The following CDH11 variants were observed in gnomAD, a reference collection of about 807,000 sequenced individuals.
CDH11 encodes cadherin-11.
CDH11 carries 11 observed loss-of-function variants against 67.8 expected under a neutral mutation model. The observed-to-expected ratio is 0.16, with a 90% CI of 0.10 to 0.27. CDH11 has a LOEUF of 0.27. Among genes scored for constraint, CDH11 ranks in the 10% least tolerant of loss-of-function variants. The probability of loss-of-function intolerance (pLI) is 1.00; values close to 1 mark genes in which losing one functional copy is unlikely to be tolerated. For synonymous variants in CDH11, 419 were observed against 400.0 expected, an observed-to-expected ratio of 1.05 and a Z score of -0.57; for missense variants, 847 against 1,031.2, an observed-to-expected ratio of 0.82 and a Z score of 2.45.
chr16:65,045,824 G>A (rs1276507125), intron 2 of CDH11, among the ~76,000 whole-genome samples: 1 of 152,144 alleles, frequency 6.6e-6, no homozygotes, highest in African/African-American at 2.4e-5. Context: ...GGCTGAGACT[G>A]TCTTATTTGT....
intron 2 of CDH11, among the ~76,000 whole-genome samples, chr16:65,025,398 GC>G (rs1207411575): frequency 4.6e-5 from 7 of 152,056 alleles, no homozygotes; most frequent in Non-Finnish European, 1.0e-4. Flanking sequence ...GTGCAGTGGC[GC>G]GATCTTGGCT....
chr16:64,966,873 A>T (rs2071845368), intron 11 of CDH11, among the ~76,000 whole-genome samples: 2 of 152,226 alleles, frequency 1.3e-5, no homozygotes, highest in African/African-American at 4.8e-5. Context: ...TAGCATTAAT[A>T]GATGAACAGA....
At chr16:65,058,272 A>G (rs1252738617) in intron 1 of CDH11, among the ~76,000 whole-genome samples, 5 of 152,232 alleles carry the variant, frequency 3.3e-5, no homozygotes. Flanking sequence ...ACAATGGGAT[A>G]TTTTGGATAT....
At chr16:65,112,944 G>T (rs137960793) in intron 1 of CDH11, among the ~76,000 whole-genome samples, 1 of 152,072 alleles carries the variant, frequency 6.6e-6, no homozygotes, top group Non-Finnish European at 1.5e-5. Flanking sequence ...CTAATGATAC[G>T]TTTACAAAGA....
At chr16:64,993,563 T>C (rs1482266110) in intron 4 of CDH11, among the ~76,000 whole-genome samples, 1 of 152,298 alleles carries the variant, frequency 6.6e-6, no homozygotes, top group African/African-American at 2.4e-5. Context: ...CCATAAATAC[T>C]GAGCAGAATG....
intron 6 of CDH11, among the ~76,000 whole-genome samples, chr16:64,988,595 G>A (rs1371979162): frequency 2.0e-5 from 3 of 152,138 alleles, no homozygotes; most frequent in Non-Finnish European, 4.4e-5. Context: ...CCTGCCACAT[G>A]TAAGGGAGAA....
chr16:64,965,988 CCA>C (rs2071814435), intron 11 of CDH11, among the ~76,000 whole-genome samples: 1 of 151,072 alleles, frequency 6.6e-6, no homozygotes. Context: ...CTAGGTCAAC[CCA>C]TTAAAAAGTA....
At chr16:64,989,335 G>C (rs1296249960) in intron 6 of CDH11, among the ~76,000 whole-genome samples, 5 of 152,060 alleles carry the variant, frequency 3.3e-5, no homozygotes, top group African/African-American at 1.2e-4. Flanking sequence ...GAGTGAGTTT[G>C]TGTATGTGTA....
intron 8 of CDH11, among the ~76,000 whole-genome samples, chr16:64,978,582 G>A (rs560321710): frequency 6.6e-6 from 1 of 152,296 alleles, no homozygotes; most frequent in South Asian, 2.1e-4. Flanking sequence ...TGTATGGATA[G>A]ACATATAATT....
intron 12 of CDH11, 39 bp downstream of exon 12, chr16:64,950,728 G>T (rs201311098): frequency 6.9e-6 from 11 of 1,600,238 alleles, no homozygotes. Flanking sequence ...GCATCCGGTT[G>T]CCTGGCCCTT....
intron 1 of CDH11, among the ~76,000 whole-genome samples, chr16:65,054,999 C>G (rs2074119621): frequency 6.6e-6 from 1 of 152,166 alleles, no homozygotes; most frequent in South Asian, 2.1e-4. Context: ...GTTCATAGAG[C>G]CTGGTTTTGG....
At chr16:65,000,017 T>C (rs750117242) in intron 3 of CDH11, among the ~76,000 whole-genome samples, 3 of 152,200 alleles carry the variant, frequency 2.0e-5, no homozygotes, top group African/African-American at 4.8e-5. Context: ...TCCATTCTAA[T>C]GCTAAAGGTA....
At chr16:64,973,483 A>T (rs2072070377) in intron 8 of CDH11, among the ~76,000 whole-genome samples, 1 of 152,184 alleles carries the variant, frequency 6.6e-6, no homozygotes, top group East Asian at 1.9e-4. Context: ...AAGATCATGT[A>T]TAGACCTAAA....
intron 11 of CDH11, chr16:64,968,488 A>G (rs763904708): frequency 2.1e-4 from 206 of 985,182 alleles, no homozygotes; most frequent in Middle Eastern, 1.6e-3. Context: ...CCTGATATTA[A>G]CAGCCCAAGA....
chr16:64,946,464 C>T lies in CDH11; in HGVS notation c.*1139G>A. 9.7e-7 allele frequency: 1 copy of T among 1,032,004 alleles called. No individual in the cohort carries two copies. Among genetic ancestry groups the T allele is most frequent in the South Asian group, 4.6e-5 (1 of 21,664 alleles). The allele number at this position is 1,032,004 out of a possible 1,614,324, so 63.9% of individuals were successfully genotyped here. A position where few individuals can be genotyped will look rare whatever the true frequency, so the allele number is the denominator to read the frequency against. ...AAATTACTGATATACAAGATAAATG[C>T]ATACTATATAACACATATTGCAAAG... On this transcript the variant is annotated 3_prime_UTR_variant, in exon 13 of 13. Coordinates refer to ENST00000268603, the MANE Select transcript of CDH11 (RefSeq NM_001797.4).
At chr16:64,992,039 C>T in intron 5 of CDH11, 104 bp from the exon 6 acceptor site, 3 of 732,596 alleles carry the variant, frequency 4.1e-6, no homozygotes, top group Non-Finnish European at 6.5e-6. Flanking sequence ...ATATCCCATG[C>T]CCTCAGCAAG....
chr16:65,064,891 G>A (rs2074288741), intron 1 of CDH11, among the ~76,000 whole-genome samples: 1 of 152,212 alleles, frequency 6.6e-6, no homozygotes. Context: ...ACTGAGAGGT[G>A]AGGAACACGG....
chr16:65,021,304 G>A (rs1045933127), intron 2 of CDH11, among the ~76,000 whole-genome samples: 12 of 152,192 alleles, frequency 7.9e-5, no homozygotes, highest in African/African-American at 9.6e-5. Context: ...GGATCTATCC[G>A]TTTTCAATTC....
chr16:65,039,143 C>T (rs74026233), intron 2 of CDH11, among the ~76,000 whole-genome samples: 9,172 of 152,244 alleles, frequency 0.06, 634 homozygotes, highest in African/African-American at 0.17. Context: ...CTGTAGAATG[C>T]GCACTTGCCT....
Sources: allele counts gnomAD v4.1 joint callset (sites outside exome capture counted in the v4.1 genomes callset), GRCh38; gene constraint gnomAD v4.1.1; transcripts MANE v1.5; gene names NCBI Gene and HGNC (gene_info 2026-07-23, HGNC 2026-07-21).